CFAP92: variants seen among roughly 807,000 people sequenced by gnomAD.
The protein encoded by CFAP92 is uncharacterized protein CFAP92.
In CFAP92, 86 loss-of-function variants were observed where a neutral mutation model predicts 106.3. That is an observed-to-expected ratio of 0.81 (90% CI 0.68 to 0.97). CFAP92 has a LOEUF of 0.97. Among genes scored for constraint, CFAP92 ranks in the 50% least tolerant of loss-of-function variants. CFAP92 has a pLI of 0.00. For synonymous variants in CFAP92, 477 were observed against 506.4 expected, an observed-to-expected ratio of 0.94 and a Z score of 0.78; for missense variants, 1,204 against 1,283.8, an observed-to-expected ratio of 0.94 and a Z score of 0.95.
chr3:128,987,358 G>A (rs1343609358), intron 4 of CFAP92, among the ~76,000 whole-genome samples: 1 of 151,778 alleles, frequency 6.6e-6, no homozygotes, highest in Non-Finnish European at 1.5e-5. Flanking sequence ...CCGGTGATGG[G>A]TGCCTGTGTC....
the CFAP92 span, among the ~76,000 whole-genome samples, chr3:129,018,698 C>T: frequency 6.6e-6 from 1 of 152,232 alleles, no homozygotes; most frequent in South Asian, 2.1e-4. Flanking sequence ...GGGATGGACT[C>T]TCTCACCTCT....
intron 12 of CFAP92, among the ~76,000 whole-genome samples, chr3:128,919,963 A>G (rs1937133192): frequency 6.6e-6 from 1 of 152,238 alleles, no homozygotes; most frequent in Non-Finnish European, 1.5e-5. Context: ...TAAGACATCA[A>G]GAGTCTCTAT....
At chr3:129,015,720 T>G in the CFAP92 span, among the ~76,000 whole-genome samples, 2 of 152,158 alleles carry the variant, frequency 1.3e-5, no homozygotes, top group African/African-American at 4.8e-5. Context: ...AGAGGACCCC[T>G]GAGGACTGTC....
At chr3:128,982,018 G>A (rs1576618537) in intron 4 of CFAP92, among the ~76,000 whole-genome samples, 1 of 152,164 alleles carries the variant, frequency 6.6e-6, no homozygotes, top group African/African-American at 2.4e-5. Flanking sequence ...TTCTGGGAAT[G>A]GTCAATGAGC....
Position 128,976,995 on chromosome 3 carries a change from C to A in CFAP92, c.880G>T (p.Asp294Tyr), listed in dbSNP as rs368155872. 2 of 1,613,656 alleles carry A rather than the reference C, an allele frequency of 1.2e-6. No homozygotes were observed. Among genetic ancestry groups the A allele is most frequent in the African/African-American group, 1.3e-5 (1 of 75,018 alleles). Residue 294 changes from aspartate (D) to tyrosine (Y), a missense_variant, in exon 6 of 16, where the codon GAT becomes TAT. Transcript: ENST00000645291. ...AATCCTTACTGAATCGTGGAAGAAT[C>A]GTCCATTTTGAGGGACTTCTCATAT... ...EEYEKSLKMD[D>Y]SSTIQWSVSR...
chr3:128,919,681 T>TA (rs1937108476), intron 12 of CFAP92, among the ~76,000 whole-genome samples: 1 of 152,222 alleles, frequency 6.6e-6, no homozygotes, highest in African/African-American at 2.4e-5. Context: ...TACTGACTCC[T>TA]AATTTGCACA....
intron 3 of CFAP92, among the ~76,000 whole-genome samples, chr3:128,988,112 G>A (rs781640346): frequency 6.6e-6 from 1 of 152,216 alleles, no homozygotes; most frequent in Non-Finnish European, 1.5e-5. Context: ...CCACTGGCAG[G>A]AGTGTGTGTG....
At chr3:128,980,147 G>T (rs1423999783) in intron 4 of CFAP92, among the ~76,000 whole-genome samples, 1 of 151,662 alleles carries the variant, frequency 6.6e-6, no homozygotes, top group Non-Finnish European at 1.5e-5. Flanking sequence ...GAGATAAGAG[G>T]ATCGCTTGAG....
intron 8 of CFAP92, chr3:128,970,241 CAA>C (rs367889241): frequency 1.1e-4 from 16 of 140,858 alleles, no homozygotes; most frequent in East Asian, 2.0e-4. Flanking sequence ...GACCCTATCT[CAA>C]AAAAAAAAAA....
the CFAP92 span, among the ~76,000 whole-genome samples, chr3:129,022,268 G>A: frequency 6.6e-6 from 1 of 152,214 alleles, no homozygotes; most frequent in African/African-American, 2.4e-5. Context: ...AGTGTTGACT[G>A]ATTAATCAAT....
At chr3:128,997,880 A>C (rs2107835101), upstream of CFAP92, among the ~76,000 whole-genome samples, 1 of 152,332 alleles carries the variant, frequency 6.6e-6, no homozygotes, top group African/African-American at 2.4e-5. Context: ...AGAAACTGCC[A>C]AACTATCTTC....
At chr3:129,003,710 A>G (rs1337803349), upstream of CFAP92, 1 of 1,224,920 alleles carries the variant, frequency 8.2e-7, no homozygotes, top group Non-Finnish European at 1.0e-6. Flanking sequence ...GTGCAGAGGC[A>G]TGGGGCCGCC....
chr3:128,950,845 A>G (rs1222917443), intron 9 of CFAP92, among the ~76,000 whole-genome samples: 2 of 152,212 alleles, frequency 1.3e-5, no homozygotes, highest in African/African-American at 4.8e-5. Flanking sequence ...CCAAAGGGAA[A>G]GCAGGCATTC....
chr3:128,925,790 CAA>C lies in CFAP92; in HGVS notation c.2751+6908_2751+6909del, dbSNP rs369014400. ...TGCCGAAAACCAAAGAAAATAAAAACAAAAAATTTAAGCAGCCAGAGACAACC... is the reference window on the plus strand; with the variant it reads ...TGCCGAAAACCAAAGAAAATAAAAACAAAATTTAAGCAGCCAGAGACAACC... On this transcript the variant is annotated intron_variant, in intron 12 of 15. Coordinates refer to ENST00000645291, the MANE Select transcript of CFAP92 (RefSeq NM_001394090.1). Among the ~76,000 whole-genome samples, 648 of 152,100 alleles carry C rather than the reference CAA, an allele frequency of 4.3e-3. 4 individuals carry two copies. Among genetic ancestry groups the C allele is most frequent in the African/African-American group, 0.015 (626 of 41,506 alleles).
intron 12 of CFAP92, among the ~76,000 whole-genome samples, chr3:128,928,341 T>C (rs546261972): frequency 1.3e-5 from 2 of 152,248 alleles, no homozygotes; most frequent in Non-Finnish European, 2.9e-5. Flanking sequence ...TATGTGGAAA[T>C]GCAAAGGACC....
At chr3:128,915,059 C>T (rs1936692242) in intron 15 of CFAP92, 60 bp downstream of exon 15, 1 of 1,500,748 alleles carries the variant, frequency 6.7e-7, no homozygotes, top group African/African-American at 1.4e-5. Context: ...CAGAGTGGCA[C>T]AGAGCTCCTG....
chr3:128,936,990 A>T (rs1056994783), intron 10 of CFAP92, among the ~76,000 whole-genome samples: 6 of 151,976 alleles, frequency 3.9e-5, no homozygotes, highest in Non-Finnish European at 8.8e-5. Flanking sequence ...TGGGGTCATG[A>T]ATATGTTCTT....
intron 15 of CFAP92, 67 bp from the exon 16 acceptor site, chr3:128,910,400 G>T: frequency 7.1e-7 from 1 of 1,409,344 alleles, no homozygotes; most frequent in Non-Finnish European, 9.4e-7. Context: ...GCAAGGGACA[G>T]ACCCTGCACA....
intron 9 of CFAP92, among the ~76,000 whole-genome samples, chr3:128,951,603 A>G (rs789222): frequency 0.6 from 91,444 of 152,024 alleles, 30,062 homozygotes; most frequent in African/African-American, 0.88. Flanking sequence ...TTCCGGACTG[A>G]GTGCTGGAGA....
Sources: gnomAD v4.1 joint callset for allele counts (sites outside exome capture counted in the v4.1 genomes callset) on GRCh38, gnomAD v4.1.1 for gene constraint, MANE v1.5 for transcripts, NCBI Gene and HGNC (gene_info 2026-07-23, HGNC 2026-07-21) for gene names.